ULK4: variants seen among roughly 807,000 people sequenced by gnomAD.
The protein encoded by ULK4 is unc-51 like kinase 4.
ULK4 carries 133 observed loss-of-function variants against 160.6 expected under a neutral mutation model. The observed-to-expected ratio is 0.83, with a 90% CI of 0.72 to 0.96. The LOEUF is 0.96. ULK4 is among the 40% of genes least tolerant of loss of function. ULK4 has a pLI of 0.00. For missense variants in ULK4, 1,580 were observed against 1,499.5 expected, an observed-to-expected ratio of 1.05 and a Z score of -0.89; for synonymous variants, 534 against 539.8, an observed-to-expected ratio of 0.99 and a Z score of 0.15.
intron 35 of ULK4, among the ~76,000 whole-genome samples, chr3:41,345,903 T>C (rs548605818): frequency 9.9e-5 from 15 of 152,150 alleles, no homozygotes; most frequent in African/African-American, 3.4e-4. Context: ...AAGACTTGCA[T>C]ACAGAGCAGG....
At chr3:41,530,361 A>G (rs531606355) in intron 32 of ULK4, among the ~76,000 whole-genome samples, 132 of 152,352 alleles carry the variant, frequency 8.7e-4, no homozygotes, top group African/African-American at 2.8e-3. Flanking sequence ...GGGACCATCA[A>G]GGAAATTAAG....
intron 32 of ULK4, among the ~76,000 whole-genome samples, chr3:41,504,727 T>C (rs2085321560): frequency 6.6e-6 from 1 of 152,208 alleles, no homozygotes; most frequent in Admixed American, 6.5e-5. Context: ...CATATCCACA[T>C]CAATATATAG....
intron 17 of ULK4, among the ~76,000 whole-genome samples, chr3:41,865,746 A>T (rs778075507): frequency 1.5e-4 from 23 of 152,314 alleles, no homozygotes; most frequent in Middle Eastern, 6.8e-3. Flanking sequence ...AAATAAATTT[A>T]AAAAACCCTC....
chr3:41,932,032 AG>A, intron 4 of ULK4, 26 bp from the exon 5 acceptor site: 2 of 1,600,394 alleles, frequency 1.2e-6, no homozygotes, highest in Middle Eastern at 1.7e-4. Flanking sequence ...AAATGTTTTC[AG>A]AAAAAAAATC....
At chr3:41,267,501 T>G (rs2079062686) in intron 35 of ULK4, among the ~76,000 whole-genome samples, 1 of 152,224 alleles carries the variant, frequency 6.6e-6, no homozygotes, top group African/African-American at 2.4e-5. Flanking sequence ...TATAGTAGAA[T>G]GACTTATATT....
intron 32 of ULK4, among the ~76,000 whole-genome samples, chr3:41,479,449 T>C (rs1436516610): frequency 1.3e-5 from 2 of 152,200 alleles, no homozygotes; most frequent in East Asian, 3.9e-4. Flanking sequence ...GTTGGTGCTG[T>C]TGGTCGGAGA....
At chr3:41,310,605 A>T (rs2080030470) in intron 35 of ULK4, among the ~76,000 whole-genome samples, 1 of 152,220 alleles carries the variant, frequency 6.6e-6, no homozygotes, top group Non-Finnish European at 1.5e-5. Flanking sequence ...GAGCAGATAA[A>T]AACAACAAAA....
Position 41,858,341 on chromosome 3 carries a change from G to A in ULK4, c.1657-22370C>T, listed in dbSNP as rs139871893. The stretch of plus-strand genomic sequence containing the variant: ...TAATTTTTGTATTTTTAGTAGGGAC[G>A]GGGTTTCACCATGTTGGCCAGGCTG... On this transcript the variant is annotated intron_variant, in intron 17 of 36. Coordinates refer to ENST00000301831, the MANE Select transcript of ULK4 (RefSeq NM_017886.4). 6.7e-5 allele frequency among the ~76,000 whole-genome samples: 10 copies of A among 149,458 alleles called. No homozygotes were observed. In the East Asian group the frequency reaches 1.4e-3, roughly 21 times the overall value.
intron 31 of ULK4, among the ~76,000 whole-genome samples, chr3:41,586,224 G>A (rs1007268504): frequency 1.3e-5 from 2 of 152,168 alleles, no homozygotes; most frequent in African/African-American, 4.8e-5. Flanking sequence ...ATTACTCACA[G>A]TAGCTAAGAT....
chr3:41,629,538 G>A (rs1362559966), intron 30 of ULK4, among the ~76,000 whole-genome samples: 1 of 152,148 alleles, frequency 6.6e-6, no homozygotes, highest in African/African-American at 2.4e-5. Context: ...TATGAAGGCA[G>A]TCCAGATTCA....
chr3:41,574,531 C>CT lies in ULK4; in HGVS notation c.3121-8402dup, dbSNP rs568406782. 4.3e-3 allele frequency among the ~76,000 whole-genome samples: 393 copies of CT among 92,132 alleles called. 59 individuals are homozygous for CT. The highest frequency in any genetic ancestry group is 0.017 in the East Asian group (37 of 2,242). The allele number at this position is 92,132 out of a possible 152,430, so 60.4% of individuals were successfully genotyped here. On this transcript the variant is annotated intron_variant, in intron 31 of 36. Coordinates refer to ENST00000301831, the MANE Select transcript of ULK4 (RefSeq NM_017886.4). ...CCTCCACTACTGCTACCAGAGTCCT[C>CT]TTTTTTTTTTTTTTTTTTTTTTTTT...
At chr3:41,799,454 T>C (rs2040393316) in intron 20 of ULK4, among the ~76,000 whole-genome samples, 1 of 152,116 alleles carries the variant, frequency 6.6e-6, no homozygotes, top group Non-Finnish European at 1.5e-5. Flanking sequence ...ATAAACTCAT[T>C]TGACACAAAA....
intron 35 of ULK4, among the ~76,000 whole-genome samples, chr3:41,284,471 G>A (rs569035879): frequency 4.6e-5 from 7 of 152,080 alleles, no homozygotes; most frequent in African/African-American, 1.7e-4. Context: ...CTTCAACAAA[G>A]CAAACAAAAA....
intron 31 of ULK4, among the ~76,000 whole-genome samples, chr3:41,602,084 C>T (rs1250354329): frequency 6.6e-6 from 1 of 151,786 alleles, no homozygotes; most frequent in Non-Finnish European, 1.5e-5. Flanking sequence ...TAATCCCAGC[C>T]ACTAAAGAGG....
intron 32 of ULK4, among the ~76,000 whole-genome samples, chr3:41,544,378 T>C (rs536527994): frequency 6.6e-6 from 1 of 152,328 alleles, no homozygotes; most frequent in African/African-American, 2.4e-5. Context: ...GCTGTTTATA[T>C]GTGTTGGAGC....
chr3:41,848,444 G>A (rs1213003506), intron 17 of ULK4, among the ~76,000 whole-genome samples: 1 of 152,108 alleles, frequency 6.6e-6, no homozygotes, highest in Non-Finnish European at 1.5e-5. Context: ...TTCCTTTTGA[G>A]GAAATACCTT....
rs1186448145 is a variant in ULK4 at position 41,470,523 on chromosome 3, C to T, written c.3227-7270G>A. Among the ~76,000 whole-genome samples the T allele has an allele frequency of 3.9e-5, 6 of 152,066 alleles. No individual in the cohort carries two copies. In the South Asian group the frequency reaches 1.2e-3, roughly 31 times the overall value. ...ACTAATAACATAAAACACACAAAAT[C>T]ACAAAACTCAATGGTATAAGTAATA... On this transcript the variant is annotated intron_variant, in intron 32 of 36. Coordinates refer to ENST00000301831, the MANE Select transcript of ULK4 (RefSeq NM_017886.4).
chr3:41,465,686 T>C (rs1050580812), intron 32 of ULK4, among the ~76,000 whole-genome samples: 3 of 152,206 alleles, frequency 2.0e-5, no homozygotes, highest in East Asian at 1.9e-4. Context: ...AAATTGGTAA[T>C]TGCACCTAGA....
At chr3:41,786,491 A>G (rs1395729688) in intron 21 of ULK4, among the ~76,000 whole-genome samples, 1 of 151,598 alleles carries the variant, frequency 6.6e-6, no homozygotes, top group Non-Finnish European at 1.5e-5. Flanking sequence ...AGTCCCAGCT[A>G]CTCAGGAGGC....
Sources: gnomAD v4.1 joint callset for allele counts (sites outside exome capture counted in the v4.1 genomes callset) on GRCh38, gnomAD v4.1.1 for gene constraint, MANE v1.5 for transcripts, NCBI Gene and HGNC (gene_info 2026-07-23, HGNC 2026-07-21) for gene names.